DECR1: variants seen among roughly 807,000 people sequenced by gnomAD.
DECR1 encodes 2,4-dienoyl-CoA reductase [(3E)-enoyl-CoA-producing], mitochondrial.
DECR1 carries 44 observed loss-of-function variants against 38.8 expected under a neutral mutation model. The observed-to-expected ratio is 1.13, with a 90% CI of 0.89 to 1.46. DECR1 has a LOEUF of 1.46. Ranked by LOEUF, DECR1 falls within the 40% of genes most tolerant of loss-of-function variation. The pLI, the probability that DECR1 is intolerant of heterozygous loss-of-function variation, is 0.00. For missense variants in DECR1, 428 were observed against 405.5 expected, an observed-to-expected ratio of 1.06 and a Z score of -0.48; for synonymous variants, 148 against 135.2, an observed-to-expected ratio of 1.09 and a Z score of -0.66.
At chr8:90,042,674 C>A in intron 6 of DECR1, 54 bp from the exon 7 acceptor site, 1 of 1,481,584 alleles carries the variant, frequency 6.7e-7, no homozygotes, top group Non-Finnish European at 9.4e-7. Flanking sequence ...TTATTACTGT[C>A]TTTAACATAT....
Position 90,001,581 on chromosome 8 carries a change from G to A in DECR1, c.69+20G>A. On this transcript the variant is annotated intron_variant, in intron 1 of 9. Coordinates refer to ENST00000220764, the MANE Select transcript of DECR1 (RefSeq NM_001359.2). ...CGGAGGGTAAGGCGGCCGGGGGCGC[G>A]GGGAGCGAGGACAGGGCGTCTCGAC... 6.2e-7 allele frequency: 1 copy of A among 1,608,204 alleles called. No homozygotes were observed. The highest frequency in any genetic ancestry group is 2.2e-5 in the East Asian group (1 of 44,806).
At chr8:90,012,434 T>G (rs1031752063) in intron 1 of DECR1, among the ~76,000 whole-genome samples, 4 of 152,164 alleles carry the variant, frequency 2.6e-5, no homozygotes, top group African/African-American at 9.7e-5. Flanking sequence ...ATTACAGGTG[T>G]TAGCTACCGT....
chr8:90,024,440 G>A (rs977020074), intron 5 of DECR1, among the ~76,000 whole-genome samples: 58 of 152,128 alleles, frequency 3.8e-4, no homozygotes, highest in Non-Finnish European at 6.5e-4. Flanking sequence ...TCTCATCGTG[G>A]TTTTGATTTG....
intron 1 of DECR1, among the ~76,000 whole-genome samples, chr8:90,010,519 C>G (rs1415196419): frequency 6.6e-6 from 1 of 152,198 alleles, no homozygotes; most frequent in African/African-American, 2.4e-5. Flanking sequence ...GGAAGGCTTC[C>G]TGTATTCAGG....
At chr8:90,048,050 T>C (rs1449658853) in intron 8 of DECR1, among the ~76,000 whole-genome samples, 1 of 152,080 alleles carries the variant, frequency 6.6e-6, no homozygotes, top group Non-Finnish European at 1.5e-5. Context: ...TAGAGGGAAA[T>C]TTATAGCACT....
Position 90,030,215 on chromosome 8 carries a change from G to A in DECR1, c.566-6626G>A, listed in dbSNP as rs190180053. 3.9e-5 allele frequency among the ~76,000 whole-genome samples: 6 copies of A among 152,254 alleles called. No individual in the cohort carries two copies. In the East Asian group the frequency reaches 1.2e-3, roughly 29 times the overall value. ...TAGGTGGAGCTCAGGCAGTAATGCTGGCTCACCTACTGCTCACTTCTTGCT... is the reference window on the plus strand; with the variant it reads ...TAGGTGGAGCTCAGGCAGTAATGCTAGCTCACCTACTGCTCACTTCTTGCT... On this transcript the variant is annotated intron_variant, in intron 5 of 9. Coordinates refer to ENST00000220764, the MANE Select transcript of DECR1 (RefSeq NM_001359.2).
At chr8:90,040,917 AGT>A (rs1236217885) in intron 6 of DECR1, among the ~76,000 whole-genome samples, 3 of 152,228 alleles carry the variant, frequency 2.0e-5, no homozygotes, top group Non-Finnish European at 2.9e-5. Context: ...TATTAAGAAC[AGT>A]GCTGCAATAA....
At chr8:90,049,068 C>T (rs1238808759) in intron 8 of DECR1, among the ~76,000 whole-genome samples, 1 of 151,624 alleles carries the variant, frequency 6.6e-6, no homozygotes, top group African/African-American at 2.4e-5. Flanking sequence ...TTATGACAAA[C>T]CCACAGCCAG....
chr8:90,020,216 C>A (rs1308272894), intron 4 of DECR1, among the ~76,000 whole-genome samples: 1 of 152,108 alleles, frequency 6.6e-6, no homozygotes, highest in Non-Finnish European at 1.5e-5. Flanking sequence ...GTAGAACTAG[C>A]CAGAATCTTT....
chr8:90,029,942 G>A (rs1813453992), intron 5 of DECR1, among the ~76,000 whole-genome samples: 1 of 152,044 alleles, frequency 6.6e-6, no homozygotes, highest in Admixed American at 6.6e-5. Flanking sequence ...ACCAGTTCAG[G>A]GGCTAGCATG....
chr8:90,016,519 A>G (rs1813010572), intron 1 of DECR1, among the ~76,000 whole-genome samples: 1 of 152,042 alleles, frequency 6.6e-6, no homozygotes, highest in Non-Finnish European at 1.5e-5. Flanking sequence ...CTGTAATCCC[A>G]GCTACTCTAC....
chr8:90,034,226 G>C (rs1391296199), intron 5 of DECR1, among the ~76,000 whole-genome samples: 2 of 152,046 alleles, frequency 1.3e-5, no homozygotes, highest in African/African-American at 2.4e-5. Flanking sequence ...AAACTTATCT[G>C]AATATTCTTC....
At chr8:90,019,060 G>C in intron 3 of DECR1, 26 bp from the exon 4 acceptor site, 2 of 1,610,508 alleles carry the variant, frequency 1.2e-6, no homozygotes, top group Non-Finnish European at 8.5e-7. Context: ...GCTGGAAAAT[G>C]TCATATTCTT....
intron 9 of DECR1, 46 bp downstream of exon 9, chr8:90,051,785 A>G: frequency 6.2e-7 from 1 of 1,611,888 alleles, no homozygotes; most frequent in Non-Finnish European, 8.5e-7. Context: ...CTAGGATACT[A>G]AGCTTTAAAA....
chr8:90,031,114 G>A (rs1813483054), intron 5 of DECR1, among the ~76,000 whole-genome samples: 1 of 152,112 alleles, frequency 6.6e-6, no homozygotes, highest in Non-Finnish European at 1.5e-5. Context: ...TAACTGCCAA[G>A]TTCCAATCCT....
intron 8 of DECR1, among the ~76,000 whole-genome samples, chr8:90,050,200 C>T (rs768671552): frequency 1.4e-4 from 21 of 152,174 alleles, no homozygotes; most frequent in African/African-American, 2.2e-4. Context: ...ACTAAAGAGC[C>T]TCTGCACAGC....
At position 90,053,353 on chromosome 8, in the gene DECR1, A is replaced by G. The variant is rs1365217761; in HGVS notation, c.*1456A>G. ...GTCATGTCTTACGTGGTGGCACCCA[A>G]GAGAGCTTGTGCAGGGGAACTCCCA... On this transcript the variant is annotated 3_prime_UTR_variant, in exon 10 of 10. Coordinates refer to ENST00000220764, the MANE Select transcript of DECR1 (RefSeq NM_001359.2). Among the ~76,000 whole-genome samples the G allele has an allele frequency of 6.6e-6, 1 of 152,220 alleles. No homozygotes were observed. The highest frequency in any genetic ancestry group is 1.5e-5 in the Non-Finnish European group (1 of 68,036).
intron 1 of DECR1, among the ~76,000 whole-genome samples, chr8:90,010,463 G>A (rs939391428): frequency 3.9e-5 from 6 of 152,224 alleles, no homozygotes; most frequent in African/African-American, 9.7e-5. Flanking sequence ...AAGAATGCAC[G>A]CATGGCCTTC....
rs1377871415 is a variant in DECR1 at position 90,052,312 on chromosome 8, T to C, written c.*415T>C. Among the ~76,000 whole-genome samples the C allele has an allele frequency of 6.6e-6, 1 of 152,158 alleles. No homozygotes were observed. The highest frequency in any genetic ancestry group is 6.5e-5 in the Admixed American group (1 of 15,268). ...ATTAGAGGATACACACTAAATATAA[T>C]AGACTTTGCCTTTCCAGTATACTTT... On this transcript the variant is annotated 3_prime_UTR_variant, in exon 10 of 10. Transcript: ENST00000220764.
Sources: allele counts gnomAD v4.1 joint callset (sites outside exome capture counted in the v4.1 genomes callset), GRCh38; gene constraint gnomAD v4.1.1; transcripts MANE v1.5; gene names NCBI Gene and HGNC (gene_info 2026-07-23, HGNC 2026-07-21).